Variants in TENM1 observed in about 807,000 individuals in gnomAD.
TENM1 encodes the protein teneurin transmembrane protein 1, also known as teneurin-1.
A neutral mutation model predicts 174.8 loss-of-function variants in TENM1; 35 were observed. The ratio of observed to expected loss-of-function variants is 0.20; its 90% CI spans 0.15 to 0.27. The LOEUF is 0.27. TENM1 is among the 10% of genes least tolerant of loss of function. TENM1 has a pLI of 1.00. For synonymous variants in TENM1, 781 were observed against 798.7 expected, an observed-to-expected ratio of 0.98 and a Z score of 0.37; for missense variants, 1,633 against 2,130.1, an observed-to-expected ratio of 0.77 and a Z score of 4.59.
In TENM1 at chrX:124,931,258, C is replaced by CAA. The variant is rs548457755; in HGVS notation, c.217+32277_217+32278dup. On this transcript the variant is annotated intron_variant, in intron 1 of 31. Coordinates refer to ENST00000422452, the Ensembl canonical transcript of TENM1. ...AAAAAGTCATCCCAAAACACAAAAGCAAAAAAAAAAAAAAATCAACAATCA... is the reference window on the plus strand; with the variant it reads ...AAAAAGTCATCCCAAAACACAAAAGCAAAAAAAAAAAAAAAAATCAACAATCA... 3.5e-3 allele frequency among the ~76,000 whole-genome samples: 263 copies of CAA among 74,179 alleles called. 1 individual carries two copies. Among genetic ancestry groups the CAA allele is most frequent in the African/African-American group, 0.011 (251 of 22,468 alleles). The allele number at this position is 74,179 out of a possible 115,157, so 64.4% of individuals were successfully genotyped here. A position where few individuals can be genotyped will look rare whatever the true frequency, so the allele number is the denominator to read the frequency against.
the TENM1 span, among the ~76,000 whole-genome samples, chrX:125,031,158 T>C: frequency 9.1e-6 from 1 of 110,434 alleles, no homozygotes; most frequent in Non-Finnish European, 1.9e-5. Flanking sequence ...CTCATCTTTA[T>C]GTCCCTGAGT....
chrX:124,378,655 T>C (rs2060125580), exon 32 of TENM1: 1 of 112,240 alleles, frequency 8.9e-6, no homozygotes, highest in Non-Finnish European at 1.9e-5. Flanking sequence ...AGAATACATG[T>C]GTAAGTGGTA....
At chrX:124,695,578 A>G (rs1247401420) in intron 5 of TENM1, among the ~76,000 whole-genome samples, 2 of 111,307 alleles carry the variant, frequency 1.8e-5, no homozygotes, top group Non-Finnish European at 3.8e-5. Flanking sequence ...GAGTAATCCA[A>G]ATATTTTTAT....
At chrX:124,757,620 C>G (rs1472115132) in intron 3 of TENM1, among the ~76,000 whole-genome samples, 4 of 112,316 alleles carry the variant, frequency 3.6e-5, no homozygotes, top group Non-Finnish European at 7.5e-5. Flanking sequence ...GGAGATGTTC[C>G]TATTCGGCCA....
At chrX:124,441,321 T>C (rs1170491741) in intron 23 of TENM1, among the ~76,000 whole-genome samples, 1 of 112,469 alleles carries the variant, frequency 8.9e-6, no homozygotes, top group African/African-American at 3.2e-5. Flanking sequence ...TGAAGAAATA[T>C]GAATAATTGT....
intron 3 of TENM1, among the ~76,000 whole-genome samples, chrX:124,861,956 A>T (rs944242311): frequency 1.8e-5 from 2 of 112,204 alleles, no homozygotes; most frequent in African/African-American, 3.2e-5. Context: ...TTGATTTGGC[A>T]TATCAATTGC....
At chrX:124,799,635 C>G (rs2055393873) in intron 3 of TENM1, among the ~76,000 whole-genome samples, 1 of 111,561 alleles carries the variant, frequency 9.0e-6, no homozygotes, top group Non-Finnish European at 1.9e-5. Flanking sequence ...ACTTACAATA[C>G]TATGTTGAAT....
intron 14 of TENM1, among the ~76,000 whole-genome samples, chrX:124,555,452 C>T (rs2048672859): frequency 8.9e-6 from 1 of 111,868 alleles, no homozygotes; most frequent in East Asian, 2.8e-4. Context: ...AAATGTGTAT[C>T]ATGAGAAAAC....
intron 18 of TENM1, among the ~76,000 whole-genome samples, chrX:124,520,163 T>A (rs1160948301): frequency 2.7e-5 from 3 of 112,023 alleles, no homozygotes; most frequent in African/African-American, 9.7e-5. Context: ...TTGTAGTCTC[T>A]AAGTAGAAAT....
intron 5 of TENM1, among the ~76,000 whole-genome samples, chrX:124,701,913 C>T (rs754847801): frequency 1.8e-5 from 2 of 111,605 alleles, no homozygotes; most frequent in East Asian, 2.8e-4. Flanking sequence ...CCATTGATAT[C>T]GATGCGATTT....
chrX:124,422,279 A>G (rs2060661953), exon 24 of TENM1: 1 of 1,204,914 alleles, frequency 8.3e-7, no homozygotes, highest in Admixed American at 2.2e-5. Flanking sequence ...TACCTGAAAA[A>G]CAGTCACAGT....
chrX:125,101,134 ATTCTCT>A, the TENM1 span, among the ~76,000 whole-genome samples: 3 of 112,154 alleles, frequency 2.7e-5, no homozygotes, highest in Non-Finnish European at 5.6e-5. Flanking sequence ...CTCACTAGAT[ATTCTCT>A]TTCTAAGGTC....
chrX:125,179,518 C>T, the TENM1 span, among the ~76,000 whole-genome samples: 2 of 111,697 alleles, frequency 1.8e-5, no homozygotes, highest in South Asian at 7.5e-4. Flanking sequence ...TCTTTTTCAA[C>T]TCAGCCTAAA....
intron 23 of TENM1, among the ~76,000 whole-genome samples, chrX:124,431,827 A>G (rs1443451325): frequency 8.9e-6 from 1 of 112,193 alleles, no homozygotes; most frequent in Non-Finnish European, 1.9e-5. Flanking sequence ...CTCTCTGCAT[A>G]ATGGCTGGAG....
intron 22 of TENM1, among the ~76,000 whole-genome samples, chrX:124,463,540 C>T (rs1012339147): frequency 2.7e-5 from 3 of 111,216 alleles, no homozygotes; most frequent in African/African-American, 9.8e-5. Context: ...TTATGTAACC[C>T]TTGTCAGTAG....
At chrX:124,880,975 A>T (rs757735936) in intron 3 of TENM1, among the ~76,000 whole-genome samples, 9 of 111,679 alleles carry the variant, frequency 8.1e-5, no homozygotes, top group African/African-American at 2.9e-4. Flanking sequence ...TTCATCAGGG[A>T]TATTGGCCTA....
intron 11 of TENM1, among the ~76,000 whole-genome samples, chrX:124,566,723 C>T (rs914253484): frequency 9.0e-6 from 1 of 111,707 alleles, no homozygotes. Context: ...TCTGATAAAG[C>T]CATGATTATG....
chrX:124,818,913 G>A (rs1399844727), intron 3 of TENM1, among the ~76,000 whole-genome samples: 1 of 111,486 alleles, frequency 9.0e-6, no homozygotes, highest in Non-Finnish European at 1.9e-5. Context: ...GTACACAACA[G>A]AAAGCTGTTG....
intron 3 of TENM1, among the ~76,000 whole-genome samples, chrX:124,750,634 C>T (rs1012152025): frequency 1.1e-4 from 12 of 111,726 alleles, no homozygotes; most frequent in Non-Finnish European, 1.9e-4. Flanking sequence ...TAAATAACTT[C>T]CACAGCCTTG....
Sources: allele counts gnomAD v4.1 joint callset (sites outside exome capture counted in the v4.1 genomes callset), GRCh38; gene constraint gnomAD v4.1.1; transcripts MANE v1.5; gene names NCBI Gene and HGNC (gene_info 2026-07-23, HGNC 2026-07-21).